The following HMBOX1 variants were observed in gnomAD, a reference collection of about 807,000 sequenced individuals.
HMBOX1 encodes the protein homeobox containing 1, also known as homeobox-containing protein 1.
In HMBOX1, 14 loss-of-function variants were observed where a neutral mutation model predicts 54.5. The observed-to-expected ratio is 0.26, with a 90% CI of 0.17 to 0.40. The LOEUF is 0.40. Ranked by LOEUF, HMBOX1 falls within the 10% of genes least tolerant of loss-of-function variation. The pLI is 1.00. For synonymous variants in HMBOX1, 160 were observed against 181.0 expected (o/e 0.88, Z 0.93); for missense variants, 332 against 514.4 (o/e 0.65, Z 3.43).
chr8:28,970,525 T>A lies in HMBOX1; in HGVS notation c.500+6T>A. 1 of 1,541,684 alleles carries A rather than the reference T, an allele frequency of 6.5e-7. No individual in the cohort carries two copies. The stretch of plus-strand genomic sequence containing the variant: ...AAAGTGGAAGAATTAATGAGGTTAG[T>A]GACTTTGCTTATTCAGAGTCCCTAA... On this transcript the variant is annotated splice_donor_region_variant and intron_variant, in intron 3 of 9. Coordinates refer to ENST00000287701, the MANE Select transcript of HMBOX1 (RefSeq NM_001135726.3). This position sits in a 1 kb window ranked among gnomAD's most constrained non-coding sequence, Gnocchi z 4.3.
rs967280329 is a variant in HMBOX1, at chr8:29,033,549, G to T, written c.852-11812G>T. Reference sequence around the variant, plus strand: ...TGTGCTTAAATGTATTTTAAAATTGGCAAATTATACTTCCTGGTTCCTTTT... The same window carrying T: ...TGTGCTTAAATGTATTTTAAAATTGTCAAATTATACTTCCTGGTTCCTTTT... On this transcript the variant is annotated intron_variant, in intron 6 of 9. Transcript: ENST00000287701. Among the ~76,000 whole-genome samples the T allele has an allele frequency of 2.6e-5, 4 of 152,124 alleles. No individual in the cohort carries two copies. In the South Asian group the frequency reaches 6.2e-4, roughly 24 times the overall value.
At chr8:28,959,285 G>A (rs1825043152) in intron 1 of HMBOX1, among the ~76,000 whole-genome samples, 1 of 152,020 alleles carries the variant, frequency 6.6e-6, no homozygotes, top group Non-Finnish European at 1.5e-5. Context: ...ACTTAAACAG[G>A]GGCACTGTTA....
intron 4 of HMBOX1, among the ~76,000 whole-genome samples, chr8:28,984,238 T>G (rs1202731316): frequency 2.0e-5 from 3 of 152,254 alleles, no homozygotes; most frequent in African/African-American, 7.2e-5. Flanking sequence ...CCTTAAGGTT[T>G]AGGATGTGGT....
chr8:28,966,918 C>A (rs926178901), intron 2 of HMBOX1, among the ~76,000 whole-genome samples: 16 of 152,150 alleles, frequency 1.1e-4, no homozygotes, highest in Non-Finnish European at 2.1e-4. Context: ...GAAATGTATT[C>A]TCTGATGAAA....
intron 8 of HMBOX1, among the ~76,000 whole-genome samples, chr8:29,048,059 T>C (rs1255958866): frequency 6.6e-6 from 1 of 152,296 alleles, no homozygotes; most frequent in East Asian, 1.9e-4. Context: ...TGTGGTACAT[T>C]TGAAAGATAC....
chr8:29,049,984 A>G (rs572302460), intron 9 of HMBOX1, among the ~76,000 whole-genome samples: 1 of 152,352 alleles, frequency 6.6e-6, no homozygotes, highest in Admixed American at 6.5e-5. Flanking sequence ...CTAATCTGTG[A>G]ACATCAGAAG....
chr8:29,019,374 C>G (rs1215429483), intron 6 of HMBOX1, among the ~76,000 whole-genome samples: 1 of 151,692 alleles, frequency 6.6e-6, no homozygotes, highest in Non-Finnish European at 1.5e-5. Flanking sequence ...TCCTCTCATT[C>G]TGTCACCAGT....
At chr8:29,035,691 A>G (rs1295768066) in intron 6 of HMBOX1, among the ~76,000 whole-genome samples, 1 of 152,232 alleles carries the variant, frequency 6.6e-6, no homozygotes, top group East Asian at 1.9e-4. Flanking sequence ...GGAAATCCAC[A>G]GACTAGCAAA....
intron 4 of HMBOX1, among the ~76,000 whole-genome samples, 174 bp downstream of exon 4, chr8:28,980,330 G>T (rs1368769458): frequency 2.0e-5 from 3 of 152,170 alleles, no homozygotes; most frequent in Non-Finnish European, 4.4e-5. Context: ...AACTTCTCTA[G>T]TGATTTTTTT....
chr8:29,039,529 T>C (rs1804503641), intron 6 of HMBOX1, among the ~76,000 whole-genome samples: 1 of 152,198 alleles, frequency 6.6e-6, no homozygotes, highest in African/African-American at 2.4e-5. Context: ...TTTTCTGTTA[T>C]CACCTTTGTT....
intron 1 of HMBOX1, among the ~76,000 whole-genome samples, chr8:28,922,688 C>A (rs1315643057): frequency 1.3e-5 from 2 of 152,066 alleles, no homozygotes; most frequent in Non-Finnish European, 2.9e-5. Flanking sequence ...ATGTTATTTT[C>A]TTAAATTATT....
intron 4 of HMBOX1, among the ~76,000 whole-genome samples, chr8:29,006,541 A>G (rs1030740251): frequency 4.6e-5 from 7 of 152,194 alleles, no homozygotes; most frequent in African/African-American, 1.7e-4. Flanking sequence ...AGAATCGTAT[A>G]TGCTCTATAG....
intron 6 of HMBOX1, among the ~76,000 whole-genome samples, chr8:29,022,961 C>G (rs1438216409): frequency 6.6e-6 from 1 of 152,014 alleles, no homozygotes; most frequent in African/African-American, 2.4e-5. Context: ...CAAGAATTAT[C>G]TCAAATGTGT....
intron 6 of HMBOX1, among the ~76,000 whole-genome samples, chr8:29,044,581 TAACTGGTATTTA>T (rs1805305853): frequency 6.6e-6 from 1 of 152,178 alleles, no homozygotes; most frequent in African/African-American, 2.4e-5. Context: ...CACAAATCAG[TAACTGGTATTTA>T]AGCTTACTGT....
intron 6 of HMBOX1, among the ~76,000 whole-genome samples, chr8:29,024,322 T>C (rs1801675692): frequency 6.6e-6 from 1 of 152,212 alleles, no homozygotes; most frequent in African/African-American, 2.4e-5. Context: ...GGCATTATAA[T>C]GTTAGGAGCA....
intron 6 of HMBOX1, 52 bp from the exon 7 acceptor site, chr8:29,045,309 A>G (rs1805412323): frequency 3.0e-6 from 4 of 1,347,838 alleles, no homozygotes; most frequent in Non-Finnish European, 4.3e-6. Context: ...TGTTTTAATG[A>G]GAGTATGTTT....
At chr8:29,024,457 G>T (rs1251952573) in intron 6 of HMBOX1, among the ~76,000 whole-genome samples, 1 of 152,096 alleles carries the variant, frequency 6.6e-6, no homozygotes, top group African/African-American at 2.4e-5. Context: ...TGATTAGATT[G>T]GTCTGTTAGA....
intron 1 of HMBOX1, among the ~76,000 whole-genome samples, chr8:28,897,276 C>T (rs141660369): frequency 8.3e-4 from 125 of 150,970 alleles, no homozygotes; most frequent in Non-Finnish European, 1.4e-3. Flanking sequence ...AGCCACTGGT[C>T]GGCTAGTTTT....
At chr8:28,939,912 A>G (rs1321101156) in intron 1 of HMBOX1, among the ~76,000 whole-genome samples, 1 of 152,008 alleles carries the variant, frequency 6.6e-6, no homozygotes, top group Non-Finnish European at 1.5e-5. Flanking sequence ...AATCTCTTGT[A>G]TTTTGGCCCT....
Sources: allele counts gnomAD v4.1 joint callset (sites outside exome capture counted in the v4.1 genomes callset), GRCh38; gene constraint gnomAD v4.1.1; non-coding constraint Gnocchi (gnomAD v3.1); transcripts MANE v1.5; gene names NCBI Gene and HGNC (gene_info 2026-07-23, HGNC 2026-07-21).